The following CTNNA3 variants were observed in gnomAD, a reference collection of about 807,000 sequenced individuals.
CTNNA3 encodes catenin alpha 3.
A neutral mutation model predicts 95.7 loss-of-function variants in CTNNA3; 76 were observed. The observed-to-expected ratio is 0.79, with a 90% confidence interval of 0.66 to 0.96. The LOEUF (loss-of-function observed/expected upper bound fraction) is 0.96. Ranked by LOEUF, CTNNA3 falls within the 40% of genes least tolerant of loss-of-function variation. The pLI is 0.00. For missense variants in CTNNA3, 1,191 were observed against 1,089.8 expected (o/e 1.09, Z -1.31); for synonymous variants, 431 against 374.4 (o/e 1.15, Z -1.74).
intron 13 of CTNNA3, among the ~76,000 whole-genome samples, chr10:66,277,382 A>G (rs1164323527): frequency 1.3e-5 from 2 of 152,138 alleles, no homozygotes; most frequent in African/African-American, 4.8e-5. Context: ...TTGTATAATT[A>G]CACATTTATT....
At chr10:66,290,193 C>T (rs1209891869) in intron 12 of CTNNA3, among the ~76,000 whole-genome samples, 1 of 151,774 alleles carries the variant, frequency 6.6e-6, no homozygotes, top group Non-Finnish European at 1.5e-5. Flanking sequence ...CCTACATCTC[C>T]CCCAAAAGTG....
At chr10:66,403,051 T>C (rs2093032313) in intron 11 of CTNNA3, among the ~76,000 whole-genome samples, 1 of 152,190 alleles carries the variant, frequency 6.6e-6, no homozygotes, top group South Asian at 2.1e-4. Flanking sequence ...TGAATCTACC[T>C]ATGACCTGTA....
At chr10:66,635,779 G>A (rs895592237) in intron 9 of CTNNA3, among the ~76,000 whole-genome samples, 1 of 152,126 alleles carries the variant, frequency 6.6e-6, no homozygotes, top group African/African-American at 2.4e-5. Context: ...TAGAATGACA[G>A]TAGGCAATCA....
intron 7 of CTNNA3, among the ~76,000 whole-genome samples, chr10:66,984,316 C>G (rs1366700092): frequency 1.3e-5 from 2 of 151,958 alleles, no homozygotes. Flanking sequence ...TAAGAGAATA[C>G]CAAACATTAT....
chr10:67,502,264 C>G lies in CTNNA3; in HGVS notation c.579+19578G>C, dbSNP rs534654670. On this transcript the variant is annotated intron_variant, in intron 5 of 17. Transcript: ENST00000433211. ...GCTTCTGGTGTTTGCTGGGGGTCCACTCCAGACCCTGTTTGCCTGGGAATC... is the reference window on the plus strand; with the variant it reads ...GCTTCTGGTGTTTGCTGGGGGTCCAGTCCAGACCCTGTTTGCCTGGGAATC... Among the ~76,000 whole-genome samples the G allele has an allele frequency of 9.2e-5, 14 of 152,302 alleles. 1 individual carries two copies. Among genetic ancestry groups the G allele is most frequent in the Admixed American group, 5.9e-4 (9 of 15,302 alleles).
intron 10 of CTNNA3, among the ~76,000 whole-genome samples, chr10:66,618,840 C>T (rs536082503): frequency 8.5e-5 from 13 of 152,194 alleles, no homozygotes; most frequent in African/African-American, 2.6e-4. Flanking sequence ...CCAGAATCTA[C>T]AATGAACTCA....
intron 7 of CTNNA3, among the ~76,000 whole-genome samples, chr10:67,040,736 A>G (rs1854341641): frequency 6.6e-6 from 1 of 152,144 alleles, no homozygotes. Context: ...CCAAGATGTC[A>G]GGAAAAAATG....
At chr10:67,523,489 C>T (rs532437090) in intron 4 of CTNNA3, among the ~76,000 whole-genome samples, 1 of 152,242 alleles carries the variant, frequency 6.6e-6, no homozygotes, top group South Asian at 2.1e-4. Context: ...TTACAACATT[C>T]ATGTTCTTTC....
intron 13 of CTNNA3, among the ~76,000 whole-genome samples, chr10:66,114,342 A>G (rs1750852503): frequency 6.6e-6 from 1 of 152,018 alleles, no homozygotes; most frequent in African/African-American, 2.4e-5. Context: ...AAATATTGTT[A>G]ACTGAATATC....
chr10:66,987,573 G>GA, intron 7 of CTNNA3, among the ~76,000 whole-genome samples: 1 of 152,260 alleles, frequency 6.6e-6, no homozygotes, highest in Middle Eastern at 3.4e-3. Flanking sequence ...TCATTGCCAT[G>GA]AAAATTCATC....
At chr10:66,874,722 C>T (rs1844549728) in intron 7 of CTNNA3, among the ~76,000 whole-genome samples, 1 of 152,134 alleles carries the variant, frequency 6.6e-6, no homozygotes, top group African/African-American at 2.4e-5. Flanking sequence ...ATTTTCTTTT[C>T]TACCAAAAGA....
intron 5 of CTNNA3, among the ~76,000 whole-genome samples, chr10:67,266,176 A>G (rs893328598): frequency 2.0e-5 from 3 of 152,220 alleles, no homozygotes; most frequent in African/African-American, 7.2e-5. Flanking sequence ...TAAGATTACA[A>G]TCTTAAAATA....
chr10:66,768,295 A>G (rs1839946445), intron 8 of CTNNA3, among the ~76,000 whole-genome samples: 2 of 152,186 alleles, frequency 1.3e-5, no homozygotes, highest in African/African-American at 2.4e-5. Flanking sequence ...AATCTACACT[A>G]GAGATATGCC....
chr10:67,058,875 A>G (rs1185214325), intron 7 of CTNNA3, among the ~76,000 whole-genome samples: 1 of 152,168 alleles, frequency 6.6e-6, no homozygotes, highest in Non-Finnish European at 1.5e-5. Flanking sequence ...TAAAATGAAG[A>G]TACTTAGTAT....
At chr10:66,745,673 T>C (rs2132710822) in intron 9 of CTNNA3, among the ~76,000 whole-genome samples, 1 of 143,262 alleles carries the variant, frequency 7.0e-6, no homozygotes, top group Admixed American at 7.5e-5. Context: ...CACTGCAAGC[T>C]CCACCTCCTG....
intron 3 of CTNNA3, among the ~76,000 whole-genome samples, chr10:67,597,830 G>T (rs559295598): frequency 3.9e-5 from 6 of 152,182 alleles, no homozygotes; most frequent in Non-Finnish European, 8.8e-5. Flanking sequence ...GGAAGAGGCT[G>T]CAGGTGAATG....
intron 15 of CTNNA3, among the ~76,000 whole-genome samples, chr10:65,999,616 A>C (rs1035027979): frequency 6.6e-6 from 1 of 152,214 alleles, no homozygotes; most frequent in Non-Finnish European, 1.5e-5. Context: ...CACATTTTAC[A>C]AATGAGTCTA....
chr10:65,944,576 C>A (rs2077480415), intron 17 of CTNNA3, among the ~76,000 whole-genome samples: 1 of 152,172 alleles, frequency 6.6e-6, no homozygotes, highest in Non-Finnish European at 1.5e-5. Flanking sequence ...GTAGCCGCAT[C>A]CCGTGTACAT....
chr10:66,748,046 T>G (rs1023031052), intron 9 of CTNNA3, among the ~76,000 whole-genome samples: 4 of 152,148 alleles, frequency 2.6e-5, no homozygotes, highest in African/African-American at 9.7e-5. Flanking sequence ...GTGTCTGTGC[T>G]TCCTGCTGTC....
Sources: allele counts gnomAD v4.1 joint callset (sites outside exome capture counted in the v4.1 genomes callset), GRCh38; gene constraint gnomAD v4.1.1; transcripts MANE v1.5; gene names NCBI Gene and HGNC (gene_info 2026-07-23, HGNC 2026-07-21).